PSMD1: variants seen among roughly 807,000 people sequenced by gnomAD.
PSMD1 encodes proteasome 26S subunit, non-ATPase 1, also known as 26S proteasome non-ATPase regulatory subunit 1.
In PSMD1, 18 loss-of-function variants were observed where a neutral mutation model predicts 119.0. The observed-to-expected ratio is 0.15, with a 90% CI of 0.10 to 0.22. The LOEUF is 0.22. PSMD1 is among the 10% of genes least tolerant of loss of function. PSMD1 has a pLI of 1.00. For missense variants in PSMD1, 702 were observed against 1,158.5 expected, an observed-to-expected ratio of 0.61 and a Z score of 5.72; for synonymous variants, 374 against 396.6, an observed-to-expected ratio of 0.94 and a Z score of 0.68.
chr2:231,138,678 T>C lies in PSMD1; in HGVS notation c.1884-58T>C. On this transcript the variant is annotated intron_variant, in intron 16 of 24. Transcript: ENST00000308696. ...AAAAACAACTTGGTTAAAACTCTTC[T>C]GTCTTAACTTAAAATAGATTACCTA... 3 of 1,283,430 alleles carry C rather than the reference T, an allele frequency of 2.3e-6. No homozygotes were observed. The South Asian group carries it at 3.7e-5, about 16-fold the overall frequency. The allele number at this position is 1,283,430 out of a possible 1,614,324, so 79.5% of individuals were successfully genotyped here.
intron 21 of PSMD1, among the ~76,000 whole-genome samples, chr2:231,164,657 A>G (rs1383964563): frequency 2.6e-5 from 4 of 152,082 alleles, no homozygotes; most frequent in Non-Finnish European, 5.9e-5. Context: ...CTTTTACACC[A>G]GTATTGCCCA....
At position 231,087,194 on chromosome 2, in the gene PSMD1, A is replaced by T; in HGVS notation, c.1883+13A>T. 1 of 1,606,848 alleles carries T rather than the reference A, an allele frequency of 6.2e-7. No homozygotes were observed. Among genetic ancestry groups the T allele is most frequent in the Non-Finnish European group, 8.5e-7 (1 of 1,173,966 alleles). On this transcript the variant is annotated intron_variant, in intron 16 of 24. Coordinates refer to ENST00000308696, the MANE Select transcript of PSMD1 (RefSeq NM_002807.4). Reference sequence around the variant, plus strand: ...TCATTCTATTCAGGTAATAACTTCAAACTTCTTATTCTATTTATATTTCAT... The same window carrying T: ...TCATTCTATTCAGGTAATAACTTCATACTTCTTATTCTATTTATATTTCAT...
At chr2:231,058,894 T>A (rs1179734277) in intron 1 of PSMD1, among the ~76,000 whole-genome samples, 1 of 152,196 alleles carries the variant, frequency 6.6e-6, no homozygotes, top group Non-Finnish European at 1.5e-5. Flanking sequence ...TAAAACACGC[T>A]TACTCTCCCT....
Position 231,058,551 on chromosome 2 carries a change from C to T in PSMD1, c.16+1510C>T, listed in dbSNP as rs1367007179. On this transcript the variant is annotated intron_variant, in intron 1 of 24. Transcript: ENST00000308696. ...TTTTTTTTTTAAGCTCATTAGCTAT[C>T]ATTAGTGTTAGTGTATTTTATGTAT... is the stretch of plus-strand genomic sequence containing the variant. Among the ~76,000 whole-genome samples the T allele has an allele frequency of 2.7e-5, 4 of 148,300 alleles. No individual in the cohort carries two copies. The South Asian group carries it at 8.4e-4, about 31-fold the overall frequency.
At position 231,057,000 on chromosome 2, in the gene PSMD1, C is replaced by T; in HGVS notation, c.-26C>T. The T allele has an allele frequency of 6.5e-7, 1 of 1,539,780 alleles. No individual in the cohort carries two copies. Among genetic ancestry groups the T allele is most frequent in the Middle Eastern group, 1.9e-4 (1 of 5,218 alleles). The stretch of plus-strand genomic sequence containing the variant: ...CTGCGCAGCTGGAACGGCGAGCGAG[C>T]CGACGGGCGAGTGAGGGGCGCAGCC... On this transcript the variant is annotated 5_prime_UTR_variant, in exon 1 of 25. Coordinates refer to ENST00000308696, the MANE Select transcript of PSMD1 (RefSeq NM_002807.4).
intron 16 of PSMD1, among the ~76,000 whole-genome samples, chr2:231,134,960 C>A (rs1459638799): frequency 3.9e-5 from 6 of 152,206 alleles, no homozygotes; most frequent in African/African-American, 2.4e-5. Flanking sequence ...CTCTTTGTCT[C>A]TTATTAAGTA....
At position 231,087,200 on chromosome 2, in the gene PSMD1, T is replaced by G. The variant is rs761195833; in HGVS notation, c.1883+19T>G. 1 of 1,600,252 alleles carries G rather than the reference T, an allele frequency of 6.2e-7. No homozygotes were observed. Among genetic ancestry groups the G allele is most frequent in the Admixed American group, 1.7e-5 (1 of 59,754 alleles). ...TATTCAGGTAATAACTTCAAACTTC[T>G]TATTCTATTTATATTTCATTTTTTT... On this transcript the variant is annotated intron_variant, in intron 16 of 24. Coordinates refer to ENST00000308696, the MANE Select transcript of PSMD1 (RefSeq NM_002807.4).
Position 231,172,594 on chromosome 2 carries a change from A to T in PSMD1, c.*69A>T, listed in dbSNP as rs1696936043. On this transcript the variant is annotated 3_prime_UTR_variant, in exon 25 of 25. Transcript: ENST00000308696. The stretch of plus-strand genomic sequence containing the variant: ...GCTCATATTGGGAATGCTTATGAGG[A>T]AATTCATGCCGAGACCTGCTATTCA... 1 of 152,232 alleles carries T rather than the reference A, an allele frequency of 6.6e-6. No homozygotes were observed. The highest frequency in any genetic ancestry group is 2.1e-4 in the South Asian group (1 of 4,834). 9.4% of individuals were successfully genotyped at this position (152,232 alleles called of 1,614,324 possible).
intron 16 of PSMD1, chr2:231,108,535 C>T: frequency 1.2e-6 from 2 of 1,613,642 alleles, no homozygotes; most frequent in East Asian, 4.5e-5. Context: ...AACTAACTTG[C>T]TCTTCAGTTT....
chr2:231,107,799 G>C (rs1245927743), intron 16 of PSMD1, among the ~76,000 whole-genome samples: 1 of 152,166 alleles, frequency 6.6e-6, no homozygotes, highest in African/African-American at 2.4e-5. Flanking sequence ...ATATCTCTAA[G>C]AAACCTAATG....
At chr2:231,092,941 T>C (rs1694633500) in intron 16 of PSMD1, among the ~76,000 whole-genome samples, 1 of 152,170 alleles carries the variant, frequency 6.6e-6, no homozygotes, top group Non-Finnish European at 1.5e-5. Context: ...TTATAACTAA[T>C]GCACAGTGGG....
At chr2:231,068,876 TAATAAG>T (rs1488972692) in intron 5 of PSMD1, among the ~76,000 whole-genome samples, 2 of 152,120 alleles carry the variant, frequency 1.3e-5, no homozygotes, top group Non-Finnish European at 2.9e-5. Context: ...ATTCCCAACT[TAATAAG>T]GAAAGAAAAA....
intron 19 of PSMD1, among the ~76,000 whole-genome samples, chr2:231,154,247 C>A (rs1218741827): frequency 6.6e-6 from 1 of 152,056 alleles, no homozygotes; most frequent in African/African-American, 2.4e-5. Flanking sequence ...GCCTGGCCAA[C>A]AAGGTGAAAC....
intron 16 of PSMD1, among the ~76,000 whole-genome samples, chr2:231,099,151 C>T (rs909588504): frequency 4.6e-5 from 7 of 152,186 alleles, no homozygotes; most frequent in Admixed American, 6.5e-5. Context: ...GGACACTGAA[C>T]GGGGTTAGAT....
chr2:231,071,755 T>C (rs1402124342), intron 6 of PSMD1, among the ~76,000 whole-genome samples: 1 of 152,188 alleles, frequency 6.6e-6, no homozygotes, highest in Non-Finnish European at 1.5e-5. Flanking sequence ...AGAGAAATGC[T>C]TCAAAATGGT....
At chr2:231,057,422 C>T (rs182942469) in intron 1 of PSMD1, among the ~76,000 whole-genome samples, 1 of 152,350 alleles carries the variant, frequency 6.6e-6, no homozygotes, top group Non-Finnish European at 1.5e-5. Flanking sequence ...GGATGGGCCC[C>T]TGTGCCATTG....
intron 7 of PSMD1, among the ~76,000 whole-genome samples, chr2:231,074,714 A>G (rs1015459692): frequency 1.3e-5 from 2 of 152,118 alleles, no homozygotes; most frequent in African/African-American, 4.8e-5. Context: ...TACTGAAATT[A>G]GTTTTTCTAA....
intron 16 of PSMD1, among the ~76,000 whole-genome samples, chr2:231,121,527 T>C (rs1311865658): frequency 6.6e-6 from 1 of 152,214 alleles, no homozygotes; most frequent in Non-Finnish European, 1.5e-5. Context: ...GCTAAGGATA[T>C]GTTGGGTACC....
chr2:231,057,852 A>G (rs2125146643), intron 1 of PSMD1, among the ~76,000 whole-genome samples: 1 of 152,380 alleles, frequency 6.6e-6, no homozygotes, highest in Non-Finnish European at 1.5e-5. Context: ...ACTTGCATAT[A>G]GCTGTCCAGA....
Sources: gnomAD v4.1 joint callset for allele counts (sites outside exome capture counted in the v4.1 genomes callset) on GRCh38, gnomAD v4.1.1 for gene constraint, MANE v1.5 for transcripts, NCBI Gene and HGNC (gene_info 2026-07-23, HGNC 2026-07-21) for gene names.